TDP1: variants seen among roughly 807,000 people sequenced by gnomAD.
TDP1 encodes the protein tyrosyl-DNA phosphodiesterase 1, also known as tyr-DNA phosphodiesterase 1.
A neutral mutation model predicts 81.5 loss-of-function variants in TDP1; 64 were observed. The ratio of observed to expected loss-of-function variants is 0.79; its 90% CI spans 0.64 to 0.97. TDP1 has a LOEUF of 0.97. Ranked by LOEUF, TDP1 falls within the 50% of genes least tolerant of loss-of-function variation. TDP1 has a pLI of 0.00. For synonymous variants in TDP1, 256 were observed against 264.3 expected (o/e 0.97, Z 0.30); for missense variants, 723 against 743.8 (o/e 0.97, Z 0.33).
chr14:89,954,998 G>A (rs545193472), upstream of TDP1: 17 of 378,424 alleles, frequency 4.5e-5, no homozygotes, highest in Non-Finnish European at 8.2e-5. Flanking sequence ...TCAATGCCTG[G>A]TTCATGATTT....
chr14:89,989,448 T>C, intron 11 of TDP1: 1 of 980,948 alleles, frequency 1.0e-6, no homozygotes, highest in East Asian at 1.1e-4. Flanking sequence ...TAGAGAACTG[T>C]GAATTAATAA....
chr14:90,032,596 G>T, intron 15 of TDP1: 1 of 283,990 alleles, frequency 3.5e-6, no homozygotes, highest in Non-Finnish European at 5.3e-6. Context: ...TAGAGTTCTT[G>T]GAATAAACCT....
At chr14:90,005,718 T>G (rs1185183349) in intron 14 of TDP1, among the ~76,000 whole-genome samples, 1 of 152,240 alleles carries the variant, frequency 6.6e-6, no homozygotes, top group Non-Finnish European at 1.5e-5. Context: ...AGTCCTTGTA[T>G]TTATTGCCTT....
chr14:89,977,885 G>A (rs978961386), intron 7 of TDP1, among the ~76,000 whole-genome samples: 10 of 152,162 alleles, frequency 6.6e-5, no homozygotes, highest in Non-Finnish European at 1.0e-4. Flanking sequence ...ATGCAATCCC[G>A]TGGTCTGTCT....
chr14:90,007,814 C>G (rs1457251507), intron 14 of TDP1, among the ~76,000 whole-genome samples: 1 of 151,944 alleles, frequency 6.6e-6, no homozygotes, highest in East Asian at 1.9e-4. Context: ...TGTTGCTGTT[C>G]TCACACTCCT....
At chr14:89,999,789 A>G (rs1337991385) in intron 14 of TDP1, among the ~76,000 whole-genome samples, 2 of 152,200 alleles carry the variant, frequency 1.3e-5, no homozygotes, top group Non-Finnish European at 2.9e-5. Flanking sequence ...CACTCTTCCA[A>G]GTTCTTTCAA....
At position 89,967,496 on chromosome 14, in the gene TDP1, G is replaced by A; in HGVS notation, c.659+74G>A. On this transcript the variant is annotated intron_variant, in intron 5 of 16. Transcript: ENST00000335725. The stretch of plus-strand genomic sequence containing the variant: ...TGACACCTAAGATTTGTATTTCTCA[G>A]GTGAAAGCCACTCATCTTTTGAGTT... 4 of 1,273,028 alleles carry A rather than the reference G, an allele frequency of 3.1e-6. No homozygotes were observed. The South Asian group carries it at 4.8e-5, about 15-fold the overall frequency. The allele number at this position is 1,273,028 out of a possible 1,614,324, so 78.9% of individuals were successfully genotyped here. A position where few individuals can be genotyped will look rare whatever the true frequency, so the allele number is the denominator to read the frequency against.
At chr14:90,002,577 A>G (rs1897272786) in intron 14 of TDP1, among the ~76,000 whole-genome samples, 1 of 152,034 alleles carries the variant, frequency 6.6e-6, no homozygotes, top group Non-Finnish European at 1.5e-5. Context: ...TATGACCTTA[A>G]GACGTATTCA....
At chr14:89,984,905 G>A in intron 9 of TDP1, 1 of 985,312 alleles carries the variant, frequency 1.0e-6, no homozygotes, top group Non-Finnish European at 1.2e-6. Flanking sequence ...GCCTCCCACT[G>A]GGTTACTCTC....
chr14:89,969,088 G>C (rs150270541), intron 5 of TDP1, among the ~76,000 whole-genome samples: 74 of 152,330 alleles, frequency 4.9e-4, no homozygotes, highest in African/African-American at 1.7e-3. Flanking sequence ...GCTTGGAACA[G>C]ATGTGCCTCA....
At position 90,037,475 on chromosome 14, in the gene TDP1, A is replaced by T. The variant is rs116407393; in HGVS notation, c.1753+4261A>T. Among the ~76,000 whole-genome samples the T allele has an allele frequency of 2.3e-3, 356 of 152,278 alleles. 1 individual carries two copies. Among genetic ancestry groups the T allele is most frequent in the African/African-American group, 8.4e-3 (349 of 41,568 alleles). On this transcript the variant is annotated intron_variant, in intron 16 of 16. Coordinates refer to ENST00000335725, the MANE Select transcript of TDP1 (RefSeq NM_018319.4). ...GAGGTTGTTTCATTTTTATTATTTT[A>T]AAAAAATACACATATGAGTACTTAT...
chr14:89,976,824 AC>A (rs1894396198), intron 7 of TDP1, among the ~76,000 whole-genome samples: 1 of 151,792 alleles, frequency 6.6e-6, no homozygotes, highest in Non-Finnish European at 1.5e-5. Context: ...GGTGTGAGCT[AC>A]CATGCCTGGC....
intron 12 of TDP1, chr14:89,991,505 G>A: frequency 2.1e-6 from 2 of 956,506 alleles, no homozygotes; most frequent in South Asian, 9.7e-5. Context: ...TTCCTGATGG[G>A]AGAAATCTTT....
At chr14:89,981,314 C>A in intron 8 of TDP1, 2 of 338,532 alleles carry the variant, frequency 5.9e-6, no homozygotes, top group African/African-American at 2.2e-5. Context: ...AACTACTAAC[C>A]CTCTGTACTT....
chr14:90,033,081 A>T lies in TDP1; in HGVS notation c.1645-25A>T, dbSNP rs35785875. The T allele has an allele frequency of 1.4e-3, 2,028 of 1,496,816 alleles. 38 individuals are homozygous for T. The Admixed American group carries it at 0.029, about 22-fold the overall frequency. 92.7% of individuals were successfully genotyped at this position (1,496,816 alleles called of 1,614,324 possible). A position where few individuals can be genotyped will look rare whatever the true frequency, so the allele number is the denominator to read the frequency against. ...TAAACCCAGAAAATGGGGTGCAATCATAGATTTCCTCTGTGTGTCTGCAGG... is the reference window on the plus strand; with the variant it reads ...TAAACCCAGAAAATGGGGTGCAATCTTAGATTTCCTCTGTGTGTCTGCAGG... On this transcript the variant is annotated intron_variant, in intron 15 of 16. Transcript: ENST00000335725.
intron 14 of TDP1, among the ~76,000 whole-genome samples, chr14:90,014,954 A>G (rs1157312701): frequency 1.3e-5 from 2 of 152,162 alleles, no homozygotes; most frequent in Non-Finnish European, 2.9e-5. Flanking sequence ...AACATCCAAC[A>G]AGTACTCCAC....
intron 15 of TDP1, chr14:90,022,901 A>C (rs1886243936): frequency 2.5e-6 from 2 of 800,938 alleles, no homozygotes; most frequent in Non-Finnish European, 3.9e-6. Context: ...GAGGCTGTCC[A>C]ACGGAACAGC....
At position 89,963,211 on chromosome 14, in the gene TDP1, C is replaced by G. The variant is rs765806133; in HGVS notation, c.97C>G (p.Leu33Val). 2 of 1,614,212 alleles carry G rather than the reference C, an allele frequency of 1.2e-6. No individual in the cohort carries two copies. The highest frequency in any genetic ancestry group is 1.1e-5 in the South Asian group (1 of 91,080). The change falls in exon 3 of 17, where the codon CTT becomes GTT. Residue 33 changes from leucine to valine, a missense_variant. By Grantham distance (32) the Leu-to-Val change is conservative (BLOSUM62 1). Coordinates refer to ENST00000335725, the MANE Select transcript of TDP1 (RefSeq NM_018319.4). ...PKPDKPSTSSLLCARQGAANE... is the reference protein window; with the variant it reads ...PKPDKPSTSSVLCARQGAANE... Reference sequence around the variant, plus strand: ...ACCAGACAAGCCATCTACCTCTTCTCTTCTCTGTGCCAGGCAAGGAGCAGC... The same window carrying G: ...ACCAGACAAGCCATCTACCTCTTCTGTTCTCTGTGCCAGGCAAGGAGCAGC...
chr14:90,004,736 G>T (rs1428612404), intron 14 of TDP1, among the ~76,000 whole-genome samples: 1 of 152,282 alleles, frequency 6.6e-6, no homozygotes, highest in Non-Finnish European at 1.5e-5. Flanking sequence ...CTTTGGGATT[G>T]GCACAGAAAC....
Sources: allele counts gnomAD v4.1 joint callset (sites outside exome capture counted in the v4.1 genomes callset), GRCh38; gene constraint gnomAD v4.1.1; transcripts MANE v1.5; gene names NCBI Gene and HGNC (gene_info 2026-07-23, HGNC 2026-07-21).